The following SNRPN variants were observed in gnomAD, a reference collection of about 807,000 sequenced individuals.
The protein encoded by SNRPN is small nuclear ribonucleoprotein polypeptide N.
Under a neutral mutation model 25.2 loss-of-function variants are expected in SNRPN, and 7 were observed. That is an observed-to-expected ratio of 0.28 (90% CI 0.16 to 0.52). The LOEUF (loss-of-function observed/expected upper bound fraction) is 0.52. SNRPN is among the 20% of genes least tolerant of loss of function. SNRPN has a pLI of 0.96. For missense variants in SNRPN, 196 were observed against 322.5 expected, an observed-to-expected ratio of 0.61 and a Z score of 3.00; for synonymous variants, 124 against 110.6, an observed-to-expected ratio of 1.12 and a Z score of -0.76.
At chr15:24,969,534 C>G (rs1566968661) in intron 3 of SNRPN, among the ~76,000 whole-genome samples, 4 of 152,178 alleles carry the variant, frequency 2.6e-5, no homozygotes, top group African/African-American at 7.2e-5. Context: ...AAATTGGAAT[C>G]TAATCATTGT....
rs1369735867 is a variant in SNRPN at position 24,978,099 on chromosome 15, TGTC to T, written c.560-93_560-91del. Reference sequence around the variant, plus strand: ...AGAAGTTATTTGACTCTATCATTGTTGTCTGGCCCATTTCTTTAGGGATTATTT... The same window carrying T: ...AGAAGTTATTTGACTCTATCATTGTTTGGCCCATTTCTTTAGGGATTATTT... On this transcript the variant is annotated intron_variant, in intron 8 of 9. Coordinates refer to ENST00000390687, the MANE Select transcript of SNRPN (RefSeq NM_003097.6). The T allele has an allele frequency of 3.8e-5, 51 of 1,353,768 alleles. No homozygotes were observed. In the African/African-American group the frequency reaches 6.4e-4, roughly 17 times the overall value. The allele number at this position is 1,353,768 out of a possible 1,614,324, so 83.9% of individuals were successfully genotyped here. A position where few individuals can be genotyped will look rare whatever the true frequency, so the allele number is the denominator to read the frequency against.
At chr15:24,940,380 T>C (rs2061477741) in intron 3 of SNRPN, among the ~76,000 whole-genome samples, 1 of 152,196 alleles carries the variant, frequency 6.6e-6, no homozygotes. Context: ...TTCATTTTTG[T>C]ATATGATGTA....
intron 1 of SNRPN, among the ~76,000 whole-genome samples, chr15:24,857,329 A>G (rs1017824183): frequency 1.3e-5 from 2 of 152,152 alleles, no homozygotes; most frequent in Non-Finnish European, 2.9e-5. Flanking sequence ...TGCTTTTGTA[A>G]TTGTCGGCAT....
At chr15:24,824,917 G>A (rs1279141388) in intron 1 of SNRPN, among the ~76,000 whole-genome samples, 2 of 152,108 alleles carry the variant, frequency 1.3e-5, no homozygotes, top group Non-Finnish European at 2.9e-5. Context: ...GGATTGAATT[G>A]AGAGAAACAC....
chr15:24,939,548 T>A (rs2061423714), intron 3 of SNRPN, among the ~76,000 whole-genome samples: 1 of 152,170 alleles, frequency 6.6e-6, no homozygotes, highest in African/African-American at 2.4e-5. Flanking sequence ...TTCTCCTGCC[T>A]CAACCTCATG....
intron 1 of SNRPN, among the ~76,000 whole-genome samples, chr15:24,958,282 A>G (rs185432874): frequency 1.1e-4 from 16 of 151,824 alleles, no homozygotes; most frequent in Non-Finnish European, 1.5e-4. Flanking sequence ...CTGTTTAGCT[A>G]TTTTTTAGGA....
At chr15:24,973,488 C>G (rs2076696958) in intron 3 of SNRPN, among the ~76,000 whole-genome samples, 1 of 152,138 alleles carries the variant, frequency 6.6e-6, no homozygotes, top group Admixed American at 6.5e-5. Flanking sequence ...ACCTCTGCCT[C>G]CCAGGTTCAA....
chr15:24,904,856 A>G (rs1324213414), intron 2 of SNRPN, among the ~76,000 whole-genome samples: 1 of 146,868 alleles, frequency 6.8e-6, no homozygotes, highest in Non-Finnish European at 1.5e-5. Context: ...GGCAGGAGAA[A>G]GGCGTGAACC....
chr15:24,959,558 T>C (rs1276222690), intron 1 of SNRPN, among the ~76,000 whole-genome samples: 1 of 152,222 alleles, frequency 6.6e-6, no homozygotes, highest in Non-Finnish European at 1.5e-5. Context: ...AACTGCCGAA[T>C]GGGTTCTTTT....
intron 3 of SNRPN, among the ~76,000 whole-genome samples, chr15:24,970,393 ACATGGC>A (rs1403861256): frequency 6.6e-6 from 1 of 152,190 alleles, no homozygotes; most frequent in African/African-American, 2.4e-5. Context: ...CAACCTGGCC[ACATGGC>A]GAAACCCCAT....
intron 2 of SNRPN, among the ~76,000 whole-genome samples, chr15:24,835,181 T>G (rs1280830205): frequency 6.9e-6 from 1 of 144,816 alleles, no homozygotes; most frequent in Non-Finnish European, 1.5e-5. Flanking sequence ...GAAAATAAGT[T>G]ATTTGTATTC....
chr15:24,961,702 T>C (rs752600135), intron 1 of SNRPN, among the ~76,000 whole-genome samples: 2 of 152,220 alleles, frequency 1.3e-5, no homozygotes, highest in Non-Finnish European at 2.9e-5. Context: ...TATATAAGTA[T>C]GTCTACTGTA....
At chr15:24,977,689 C>G (rs967207413) in intron 7 of SNRPN, 89 bp from the exon 8 acceptor site, 3 of 1,274,376 alleles carry the variant, frequency 2.4e-6, no homozygotes, top group Non-Finnish European at 3.2e-6. Context: ...TTGTTTGTAA[C>G]TAATTGGTCA....
intron 1 of SNRPN, among the ~76,000 whole-genome samples, chr15:24,879,250 C>G (rs1284693200): frequency 6.6e-6 from 1 of 151,968 alleles, no homozygotes; most frequent in Non-Finnish European, 1.5e-5. Context: ...GCCTGGGCAA[C>G]ACGGTGAAAC....
intron 1 of SNRPN, among the ~76,000 whole-genome samples, chr15:24,875,778 G>T (rs2149173570): frequency 6.6e-6 from 1 of 152,252 alleles, no homozygotes; most frequent in South Asian, 2.1e-4. Flanking sequence ...TTTAGGCCGG[G>T]TGCGGTAGTT....
chr15:24,904,221 G>A (rs1158875252), intron 2 of SNRPN, among the ~76,000 whole-genome samples: 1 of 152,146 alleles, frequency 6.6e-6, no homozygotes, highest in African/African-American at 2.4e-5. Context: ...ATGCAGGGAA[G>A]CCTGGCCCCG....
chr15:24,944,760 GTC>G (rs949784914), intron 3 of SNRPN, among the ~76,000 whole-genome samples: 1 of 152,192 alleles, frequency 6.6e-6, no homozygotes, highest in Non-Finnish European at 1.5e-5. Flanking sequence ...TATAGTCTCA[GTC>G]TCTGTTTCTC....
At chr15:24,852,282 A>G (rs1355201936), upstream of SNRPN, 2 of 152,192 alleles carry the variant, frequency 1.3e-5, no homozygotes, top group Non-Finnish European at 2.9e-5. Flanking sequence ...TATTTCGTGT[A>G]TCCTGTCTTT....
In SNRPN at chr15:24,967,895, A is replaced by G. The variant is rs373716729; in HGVS notation, c.-294-37A>G. The G allele has an allele frequency of 1.7e-5, 26 of 1,543,756 alleles. No individual in the cohort carries two copies. In the African/African-American group the frequency reaches 3.0e-4, roughly 18 times the overall value. On this transcript the variant is annotated intron_variant, in intron 2 of 9. Transcript: ENST00000390687. Reference sequence around the variant, plus strand: ...TATGGTTTCCTATAAAGACAAATGTATTTTTATCATTTATATATATTGTGC... The same window carrying G: ...TATGGTTTCCTATAAAGACAAATGTGTTTTTATCATTTATATATATTGTGC...
Sources: allele counts gnomAD v4.1 joint callset (sites outside exome capture counted in the v4.1 genomes callset), GRCh38; gene constraint gnomAD v4.1.1; transcripts MANE v1.5; gene names NCBI Gene and HGNC (gene_info 2026-07-23, HGNC 2026-07-21).